Variants in SCFD2 observed in about 807,000 individuals in gnomAD.
The protein encoded by SCFD2 is sec1 family domain containing 2.
A neutral mutation model predicts 58.9 loss-of-function variants in SCFD2; 54 were observed. That is an observed-to-expected ratio of 0.92 (90% CI 0.74 to 1.15). SCFD2 has a LOEUF of 1.15. Among genes scored for constraint, SCFD2 ranks in the 50% most tolerant of loss-of-function variants. SCFD2 has a pLI of 0.00. For synonymous variants in SCFD2, 321 were observed against 335.9 expected, an observed-to-expected ratio of 0.96 and a Z score of 0.49; for missense variants, 805 against 836.6, an observed-to-expected ratio of 0.96 and a Z score of 0.47.
intron 5 of SCFD2, among the ~76,000 whole-genome samples, chr4:53,120,852 A>C (rs1369498598): frequency 1.3e-5 from 2 of 152,216 alleles, no homozygotes; most frequent in African/African-American, 2.4e-5. Context: ...ATGAAAAAAA[A>C]TTGCTAGCTG....
intron 5 of SCFD2, among the ~76,000 whole-genome samples, chr4:53,112,942 C>T (rs1185048224): frequency 1.3e-5 from 2 of 152,026 alleles, no homozygotes; most frequent in East Asian, 3.9e-4. Flanking sequence ...CATAGGATCC[C>T]AGATAAAATA....
At chr4:52,969,779 T>C (rs2109550101) in intron 5 of SCFD2, among the ~76,000 whole-genome samples, 1 of 152,316 alleles carries the variant, frequency 6.6e-6, no homozygotes, top group East Asian at 1.9e-4. Context: ...ATTTGAGTTG[T>C]GTTTAGCCCC....
At chr4:53,244,339 T>A (rs919419485) in intron 4 of SCFD2, among the ~76,000 whole-genome samples, 1 of 151,860 alleles carries the variant, frequency 6.6e-6, no homozygotes. Context: ...CAATCAAATA[T>A]AAAACAATCC....
intron 4 of SCFD2, among the ~76,000 whole-genome samples, chr4:53,199,627 G>A (rs148842935): frequency 2.6e-5 from 4 of 152,074 alleles, no homozygotes; most frequent in Non-Finnish European, 4.4e-5. Context: ...TGAAGGGGGT[G>A]GGACTTCAGA....
chr4:53,201,723 G>C (rs913748465), intron 4 of SCFD2, among the ~76,000 whole-genome samples: 2 of 152,170 alleles, frequency 1.3e-5, no homozygotes, highest in African/African-American at 4.8e-5. Flanking sequence ...CATTCTAACT[G>C]GTGGGAGATG....
At chr4:53,342,568 G>A (rs1002226266) in intron 2 of SCFD2, among the ~76,000 whole-genome samples, 5 of 152,124 alleles carry the variant, frequency 3.3e-5, no homozygotes, top group Non-Finnish European at 5.9e-5. Context: ...AAGTTAACAA[G>A]GATATCCAGG....
In SCFD2 at chr4:53,145,468, T is replaced by C. The variant is rs1184072794; in HGVS notation, c.1426A>G (p.Ile476Val). Residue 476 changes from isoleucine to valine, a missense_variant, in exon 5 of 9, where the codon ATA (isoleucine) becomes GTA (valine). Physicochemically the swap from Ile to Val is conservative, Grantham distance 29. Coordinates refer to ENST00000401642, the MANE Select transcript of SCFD2 (RefSeq NM_152540.4). ...TCTCCAGTGACAGAATAAATATATA[T>C]GAGAAGGATCAGCAGTTCCTCAGGG... ...YSPEELLILL[I>V]YIYSVTGELT... is the part of the protein sequence containing the mutation. 1 of 1,613,968 alleles carries C rather than the reference T, an allele frequency of 6.2e-7. No homozygotes were observed. The highest frequency in any genetic ancestry group is 2.2e-5 in the East Asian group (1 of 44,892).
intron 5 of SCFD2, among the ~76,000 whole-genome samples, chr4:53,043,791 T>G (rs543408754): frequency 6.6e-6 from 1 of 152,256 alleles, no homozygotes; most frequent in Non-Finnish European, 1.5e-5. Flanking sequence ...AAATGAACTT[T>G]TAAAAAATAT....
intron 5 of SCFD2, among the ~76,000 whole-genome samples, chr4:53,028,065 G>A (rs1361685844): frequency 6.6e-6 from 1 of 151,850 alleles, no homozygotes; most frequent in African/African-American, 2.4e-5. Context: ...TGGACAATAT[G>A]GTGAAACCTT....
At chr4:53,157,854 C>T (rs2148924212) in intron 4 of SCFD2, among the ~76,000 whole-genome samples, 1 of 152,340 alleles carries the variant, frequency 6.6e-6, no homozygotes, top group South Asian at 2.1e-4. Context: ...AATCCAGCTT[C>T]ATCTACGTTG....
intron 5 of SCFD2, among the ~76,000 whole-genome samples, chr4:52,969,896 A>G (rs995803767): frequency 6.6e-6 from 1 of 152,236 alleles, no homozygotes; most frequent in Admixed American, 6.5e-5. Context: ...CTGAACTGGA[A>G]GACAACATGC....
At chr4:53,024,925 C>T (rs1177783590) in intron 5 of SCFD2, among the ~76,000 whole-genome samples, 1 of 152,110 alleles carries the variant, frequency 6.6e-6, no homozygotes, top group Admixed American at 6.6e-5. Context: ...TCTTGACTCC[C>T]CCTAGAATAT....
At chr4:53,045,702 T>C (rs1490513333) in intron 5 of SCFD2, among the ~76,000 whole-genome samples, 4 of 152,234 alleles carry the variant, frequency 2.6e-5, no homozygotes, top group South Asian at 4.1e-4. Flanking sequence ...CATAGATAGA[T>C]AGATAGAGTG....
At chr4:52,953,814 G>A (rs1720653175) in intron 5 of SCFD2, among the ~76,000 whole-genome samples, 1 of 152,204 alleles carries the variant, frequency 6.6e-6, no homozygotes, top group African/African-American at 2.4e-5. Flanking sequence ...TGAAAAGGCT[G>A]GGCAGGAATA....
chr4:53,106,145 A>C (rs1374467567), intron 5 of SCFD2, among the ~76,000 whole-genome samples: 3 of 152,226 alleles, frequency 2.0e-5, no homozygotes, highest in Non-Finnish European at 4.4e-5. Context: ...TTTAGAAGGA[A>C]AACAAATAAA....
intron 8 of SCFD2, among the ~76,000 whole-genome samples, chr4:52,885,192 G>T (rs796394195): frequency 1.3e-5 from 2 of 152,104 alleles, no homozygotes; most frequent in Non-Finnish European, 1.5e-5. Context: ...CACTCCTCTG[G>T]CCCCGCCCTC....
chr4:52,995,152 A>G (rs980869493), intron 5 of SCFD2, among the ~76,000 whole-genome samples: 2 of 152,160 alleles, frequency 1.3e-5, no homozygotes, highest in African/African-American at 4.8e-5. Flanking sequence ...CATAATGTAG[A>G]ATCAGTGGAA....
At chr4:53,257,236 T>A (rs912929117) in intron 4 of SCFD2, among the ~76,000 whole-genome samples, 1 of 152,172 alleles carries the variant, frequency 6.6e-6, no homozygotes, top group African/African-American at 2.4e-5. Context: ...AGGCAGCCTT[T>A]TCTTCTCGGT....
chr4:53,180,235 G>C (rs1328533429), intron 4 of SCFD2, among the ~76,000 whole-genome samples: 4 of 152,030 alleles, frequency 2.6e-5, no homozygotes, highest in African/African-American at 7.3e-5. Context: ...CTCCAAAATT[G>C]ACCACATAAT....
Sources: allele counts gnomAD v4.1 joint callset (sites outside exome capture counted in the v4.1 genomes callset), GRCh38; gene constraint gnomAD v4.1.1; transcripts MANE v1.5; gene names NCBI Gene and HGNC (gene_info 2026-07-23, HGNC 2026-07-21).